Variants in OSBP2 observed in about 807,000 individuals in gnomAD.
The protein encoded by OSBP2 is oxysterol binding protein 2.
A neutral mutation model predicts 96.0 loss-of-function variants in OSBP2; 66 were observed. That is an observed-to-expected ratio of 0.69 (90% CI 0.56 to 0.84). The LOEUF is 0.84. OSBP2 is among the 40% of genes least tolerant of loss of function. The probability of loss-of-function intolerance (pLI) is 0.00; values close to 1 mark genes in which losing one functional copy is unlikely to be tolerated. For synonymous variants in OSBP2, 525 were observed against 520.9 expected, an observed-to-expected ratio of 1.01 and a Z score of -0.11; for missense variants, 1,038 against 1,222.7, an observed-to-expected ratio of 0.85 and a Z score of 2.25.
At chr22:30,898,868 A>T (rs926558381) in intron 12 of OSBP2, among the ~76,000 whole-genome samples, 1 of 138,426 alleles carries the variant, frequency 7.2e-6, no homozygotes, top group African/African-American at 2.5e-5. Flanking sequence ...TATATTAATA[A>T]TAATAATAAT....
intron 3 of OSBP2, among the ~76,000 whole-genome samples, chr22:30,876,939 A>C (rs1289368583): frequency 1.3e-5 from 2 of 151,568 alleles, no homozygotes; most frequent in Non-Finnish European, 2.9e-5. Flanking sequence ...GGTCAGGAAC[A>C]CCTCCCCTGT....
At chr22:30,869,910 G>C (rs941430703) in intron 2 of OSBP2, among the ~76,000 whole-genome samples, 1 of 152,192 alleles carries the variant, frequency 6.6e-6, no homozygotes, top group African/African-American at 2.4e-5. Flanking sequence ...CAGGGAACAG[G>C]GGACAGATTG....
chr22:30,836,584 C>T (rs769869765), intron 2 of OSBP2, among the ~76,000 whole-genome samples: 8 of 152,132 alleles, frequency 5.3e-5, no homozygotes, highest in African/African-American at 1.4e-4. Context: ...GCTGCCAAAC[C>T]GGAGATATTT....
chr22:30,787,413 C>T lies in OSBP2; in HGVS notation c.853+46044C>T, dbSNP rs141078942. Among the ~76,000 whole-genome samples the T allele has an allele frequency of 6.8e-3, 1,034 of 152,122 alleles. 9 individuals are homozygous for T. Among genetic ancestry groups the T allele is most frequent in the African/African-American group, 0.023 (970 of 41,518 alleles). ...CGGGGCCGGATGCGGTGGCTCACGACTGTAATCTCAGCACTTTGGGAGGCC... is the reference window on the plus strand; with the variant it reads ...CGGGGCCGGATGCGGTGGCTCACGATTGTAATCTCAGCACTTTGGGAGGCC... On this transcript the variant is annotated intron_variant, in intron 2 of 13. Coordinates refer to ENST00000332585, the MANE Select transcript of OSBP2 (RefSeq NM_030758.4).
intron 2 of OSBP2, among the ~76,000 whole-genome samples, chr22:30,816,806 G>A (rs553467567): frequency 6.6e-6 from 1 of 151,568 alleles, no homozygotes; most frequent in Admixed American, 6.6e-5. Flanking sequence ...GTGTGATCTC[G>A]GCTCACTGCA....
chr22:30,793,439 G>T (rs2090708687), intron 2 of OSBP2, among the ~76,000 whole-genome samples: 2 of 152,038 alleles, frequency 1.3e-5, no homozygotes, highest in Admixed American at 1.3e-4. Flanking sequence ...GCTGAGGCTG[G>T]ACGATTGCTT....
chr22:30,889,368 C>G, intron 6 of OSBP2, 122 bp from the exon 7 acceptor site: 1 of 1,431,462 alleles, frequency 7.0e-7, no homozygotes. Context: ...TCCTGGCCTT[C>G]CACCAGCAGC....
chr22:30,741,060 T>C, intron 1 of OSBP2, 101 bp from the exon 2 acceptor site: 3 of 923,444 alleles, frequency 3.2e-6, no homozygotes, highest in Non-Finnish European at 5.0e-6. Flanking sequence ...CTCTCCCAGC[T>C]CTGAGGGTCT....
At chr22:30,843,974 A>G (rs2147041404) in intron 2 of OSBP2, among the ~76,000 whole-genome samples, 1 of 150,620 alleles carries the variant, frequency 6.6e-6, no homozygotes, top group South Asian at 2.2e-4. Context: ...TCCTGGGCTC[A>G]GGTGATCTTC....
At chr22:30,904,470 T>C (rs1168579778) in intron 12 of OSBP2, among the ~76,000 whole-genome samples, 3 of 152,244 alleles carry the variant, frequency 2.0e-5, no homozygotes, top group Non-Finnish European at 4.4e-5. Context: ...GGCAATCCAG[T>C]TGATTTTTAA....
chr22:30,706,329 C>T (rs1050353865), intron 1 of OSBP2, among the ~76,000 whole-genome samples: 1 of 151,992 alleles, frequency 6.6e-6, no homozygotes, highest in Admixed American at 6.6e-5. Context: ...TGCTTTGCCA[C>T]GTTGCCTTAC....
At position 30,806,692 on chromosome 22, in the gene OSBP2, G is replaced by T. The variant is rs559641153; in HGVS notation, c.854-63737G>T. ...GGACTGCTCCTCAGTGCCTCTGTGG[G>T]AAGCCTGGGTGTTGCTGGTGGCTCT... On this transcript the variant is annotated intron_variant, in intron 2 of 13. Coordinates refer to ENST00000332585, the MANE Select transcript of OSBP2 (RefSeq NM_030758.4). Among the ~76,000 whole-genome samples the T allele has an allele frequency of 2.0e-5, 3 of 152,258 alleles. No homozygotes were observed. In the East Asian group the frequency reaches 5.8e-4, roughly 29 times the overall value.
At chr22:30,725,182 A>AC (rs1227843768) in intron 1 of OSBP2, among the ~76,000 whole-genome samples, 1 of 89,206 alleles carries the variant, frequency 1.1e-5, no homozygotes, top group Non-Finnish European at 2.6e-5. Flanking sequence ...TCTCAAAAAC[A>AC]AAAAAACAAA....
intron 12 of OSBP2, chr22:30,902,416 G>C (rs1361075373): frequency 6.3e-7 from 1 of 1,576,718 alleles, no homozygotes. Context: ...TGCACTGTTG[G>C]GCAATCAGTC....
upstream of OSBP2, chr22:30,694,020 T>G (rs2088972578): frequency 2.0e-6 from 3 of 1,536,458 alleles, no homozygotes; most frequent in East Asian, 7.3e-5. Flanking sequence ...TTAACCATTC[T>G]GGGGTCACAG....
chr22:30,796,257 G>C (rs529965161), intron 2 of OSBP2, among the ~76,000 whole-genome samples: 1 of 152,272 alleles, frequency 6.6e-6, no homozygotes, highest in East Asian at 1.9e-4. Flanking sequence ...TCCTGGGCTG[G>C]ATCGACCTCA....
Position 30,877,635 on chromosome 22 carries a change from C to T in OSBP2, c.1107+6953C>T, listed in dbSNP as rs114948000. On this transcript the variant is annotated intron_variant, in intron 3 of 13. Coordinates refer to ENST00000332585, the MANE Select transcript of OSBP2 (RefSeq NM_030758.4). ...CCAGGGCAGCAGAGCAAGGCTGGGG[C>T]GTGCTCTCCCCTGCAGTCCTGAGCC... 4.1e-3 allele frequency among the ~76,000 whole-genome samples: 624 copies of T among 152,296 alleles called. 1 individual carries two copies. The highest frequency in any genetic ancestry group is 0.014 in the African/African-American group (572 of 41,562).
intron 12 of OSBP2, among the ~76,000 whole-genome samples, chr22:30,904,864 A>G (rs5997807): frequency 0.4 from 61,480 of 152,034 alleles, 13,504 homozygotes; most frequent in East Asian, 0.67. Context: ...GGCTGGGCAC[A>G]GTAGCTGATG....
chr22:30,817,399 C>T (rs776125939), intron 2 of OSBP2, among the ~76,000 whole-genome samples: 1 of 152,208 alleles, frequency 6.6e-6, no homozygotes, highest in Non-Finnish European at 1.5e-5. Flanking sequence ...CAAAGATCCC[C>T]AAGACCCACA....
Sources: allele counts gnomAD v4.1 joint callset (sites outside exome capture counted in the v4.1 genomes callset), GRCh38; gene constraint gnomAD v4.1.1; transcripts MANE v1.5; gene names NCBI Gene and HGNC (gene_info 2026-07-23, HGNC 2026-07-21).